Variants in GAREM1 observed in about 807,000 individuals in gnomAD.
GAREM1 encodes GRB2 associated regulator of MAPK1 subtype 1.
GAREM1 carries 26 observed loss-of-function variants against 71.3 expected under a neutral mutation model. That is an observed-to-expected ratio of 0.36 (90% CI 0.27 to 0.51). The LOEUF is 0.51. Ranked by LOEUF, GAREM1 falls within the 20% of genes least tolerant of loss-of-function variation. The pLI, the probability that GAREM1 is intolerant of heterozygous loss-of-function variation, is 0.95. For synonymous variants in GAREM1, 440 were observed against 433.2 expected (o/e 1.02, Z -0.20); for missense variants, 1,026 against 1,103.1 (o/e 0.93, Z 0.99).
In GAREM1 at chr18:32,421,251, C is replaced by G. The variant is rs2048517092; in HGVS notation, c.122-28216G>C. Among the ~76,000 whole-genome samples, 4 of 152,042 alleles carry G rather than the reference C, an allele frequency of 2.6e-5. No homozygotes were observed. In the South Asian group the frequency reaches 8.3e-4, roughly 32 times the overall value. On this transcript the variant is annotated intron_variant, in intron 1 of 5. Coordinates refer to ENST00000269209, the MANE Select transcript of GAREM1 (RefSeq NM_001242409.2). Reference sequence around the variant, plus strand: ...ATTAAATGTGTGTGTAAATGCAAAGCACTTGGACCAGGCACTTGGTACACA... The same window carrying G: ...ATTAAATGTGTGTGTAAATGCAAAGGACTTGGACCAGGCACTTGGTACACA...
chr18:32,282,883 G>A (rs1296894609), intron 4 of GAREM1, among the ~76,000 whole-genome samples: 1 of 152,206 alleles, frequency 6.6e-6, no homozygotes, highest in Admixed American at 6.5e-5. Flanking sequence ...ATTGCCTTTT[G>A]TAGAGTACAT....
Position 32,416,650 on chromosome 18 carries a change from T to G in GAREM1, c.122-23615A>C, listed in dbSNP as rs529237858. Among the ~76,000 whole-genome samples, 6 of 152,266 alleles carry G rather than the reference T, an allele frequency of 3.9e-5. No individual in the cohort carries two copies. The East Asian group carries it at 9.6e-4, about 24-fold the overall frequency. ...ACACAGTCTCTTCAATAAACAGTGC[T>G]GGGAAAACTAGACATTCATACGCAG... On this transcript the variant is annotated intron_variant, in intron 1 of 5. Coordinates refer to ENST00000269209, the MANE Select transcript of GAREM1 (RefSeq NM_001242409.2).
At chr18:32,292,613 C>A (rs2047098322) in intron 3 of GAREM1, among the ~76,000 whole-genome samples, 1 of 152,092 alleles carries the variant, frequency 6.6e-6, no homozygotes. Context: ...AGTGAGTTCT[C>A]ACGAGATATC....
At position 32,326,033 on chromosome 18, in the gene GAREM1, G is replaced by A. The variant is rs981502529; in HGVS notation, c.263-15710C>T. The stretch of plus-strand genomic sequence containing the variant: ...GATTTACTTACTGAATAGGAGAAAC[G>A]TATTAGCTCCTTCTTACAGTAACCC... On this transcript the variant is annotated intron_variant, in intron 2 of 5. Transcript: ENST00000269209. Among the ~76,000 whole-genome samples the A allele has an allele frequency of 5.3e-5, 8 of 152,170 alleles. No homozygotes were observed. In the South Asian group the frequency reaches 1.0e-3, roughly 20 times the overall value.
At chr18:32,342,733 ATAAT>A (rs1460247735) in intron 2 of GAREM1, among the ~76,000 whole-genome samples, 2 of 152,224 alleles carry the variant, frequency 1.3e-5, no homozygotes, top group East Asian at 3.8e-4. Flanking sequence ...GGAAGAATAA[ATAAT>A]TGAATACTAT....
intron 1 of GAREM1, among the ~76,000 whole-genome samples, chr18:32,420,764 A>G (rs2048512690): frequency 6.6e-6 from 1 of 151,848 alleles, no homozygotes; most frequent in Non-Finnish European, 1.5e-5. Flanking sequence ...TGAAAAAAAA[A>G]AAAAAATAGA....
At chr18:32,389,807 A>G (rs1215771995) in intron 2 of GAREM1, among the ~76,000 whole-genome samples, 2 of 152,152 alleles carry the variant, frequency 1.3e-5, no homozygotes, top group Admixed American at 6.6e-5. Context: ...TGGAGACAAA[A>G]TATATACACT....
chr18:32,298,044 C>T (rs900880029), intron 3 of GAREM1, among the ~76,000 whole-genome samples: 1 of 152,206 alleles, frequency 6.6e-6, no homozygotes, highest in Admixed American at 6.5e-5. Flanking sequence ...AAACAGTACA[C>T]GTACAGATTA....
At chr18:32,422,204 T>C (rs1232337397) in intron 1 of GAREM1, among the ~76,000 whole-genome samples, 1 of 152,130 alleles carries the variant, frequency 6.6e-6, no homozygotes, top group East Asian at 1.9e-4. Context: ...GTGTTCTCAT[T>C]GTTCAATTCT....
intron 2 of GAREM1, among the ~76,000 whole-genome samples, chr18:32,387,455 C>T (rs1376987683): frequency 6.6e-6 from 1 of 152,112 alleles, no homozygotes; most frequent in Non-Finnish European, 1.5e-5. Context: ...CCTTTGGTAG[C>T]AATGTGAAGT....
At position 32,266,535 on chromosome 18, in the gene GAREM1, C is replaced by T. The variant is rs554606109; in HGVS notation, c.*1336G>A. On this transcript the variant is annotated 3_prime_UTR_variant, in exon 6 of 6. Transcript: ENST00000269209. ...TCTAAAAAAGTCAAGAATAATGACG[C>T]CATTATATTTTGGAATACTTAATCA... 4 of 152,084 alleles carry T rather than the reference C, an allele frequency of 2.6e-5. No homozygotes were observed. The South Asian group carries it at 8.3e-4, about 32-fold the overall frequency. The allele number at this position is 152,084 out of a possible 1,614,324, so 9.4% of individuals were successfully genotyped here.
intron 1 of GAREM1, among the ~76,000 whole-genome samples, chr18:32,446,471 A>G (rs1472437074): frequency 6.6e-6 from 1 of 152,212 alleles, no homozygotes; most frequent in East Asian, 1.9e-4. Context: ...CTAAGAGGGC[A>G]TAAGAAATGC....
chr18:32,271,115 C>T (rs1370709379), intron 4 of GAREM1, among the ~76,000 whole-genome samples: 1 of 152,052 alleles, frequency 6.6e-6, no homozygotes, highest in African/African-American at 2.4e-5. Flanking sequence ...CCATGTTGCT[C>T]AGGCTGCCTC....
chr18:32,453,165 C>T (rs1031310025), intron 1 of GAREM1, among the ~76,000 whole-genome samples: 1 of 152,008 alleles, frequency 6.6e-6, no homozygotes, highest in African/African-American at 2.4e-5. Flanking sequence ...GAGAACCAAG[C>T]AAAAGGGGAA....
At chr18:32,415,193 C>T (rs112965042) in intron 1 of GAREM1, among the ~76,000 whole-genome samples, 127 of 151,850 alleles carry the variant, frequency 8.4e-4, no homozygotes, top group Non-Finnish European at 1.2e-3. Flanking sequence ...TAACAAGTAA[C>T]GAGATCAAAG....
chr18:32,377,828 G>T (rs906968568), intron 2 of GAREM1, among the ~76,000 whole-genome samples: 1 of 152,186 alleles, frequency 6.6e-6, no homozygotes, highest in Non-Finnish European at 1.5e-5. Flanking sequence ...CTCCCAAAAT[G>T]CTGGGATTAC....
chr18:32,432,378 A>G (rs1179742944), intron 1 of GAREM1, among the ~76,000 whole-genome samples: 1 of 152,122 alleles, frequency 6.6e-6, no homozygotes. Context: ...AACAGAATAA[A>G]CCGAAAGCAA....
At chr18:32,376,604 G>A (rs143850293) in intron 2 of GAREM1, among the ~76,000 whole-genome samples, 6 of 152,166 alleles carry the variant, frequency 3.9e-5, no homozygotes, top group East Asian at 1.9e-4. Context: ...TTGGGAGGCC[G>A]AGGCTGGTGG....
intron 1 of GAREM1, among the ~76,000 whole-genome samples, chr18:32,458,711 T>C (rs2048921616): frequency 6.6e-6 from 1 of 151,896 alleles, no homozygotes; most frequent in Non-Finnish European, 1.5e-5. Context: ...AATATGATAT[T>C]ATTGGAGCTA....
Sources: gnomAD v4.1 joint callset for allele counts (sites outside exome capture counted in the v4.1 genomes callset) on GRCh38, gnomAD v4.1.1 for gene constraint, MANE v1.5 for transcripts, NCBI Gene and HGNC (gene_info 2026-07-23, HGNC 2026-07-21) for gene names.